ECE2: variants seen among roughly 807,000 people sequenced by gnomAD.
The protein encoded by ECE2 is endothelin-converting enzyme 2.
ECE2 carries 81 observed loss-of-function variants against 100.6 expected under a neutral mutation model. That is an observed-to-expected ratio of 0.81 (90% CI 0.67 to 0.97). The LOEUF is 0.97. ECE2 is among the 50% of genes least tolerant of loss of function. ECE2 has a pLI of 0.00. For missense variants in ECE2, 911 were observed against 988.1 expected (o/e 0.92, Z 1.05); for synonymous variants, 391 against 391.5 (o/e 1.00, Z 0.02).
At position 184,289,480 on chromosome 3, in the gene ECE2, C is replaced by G. The variant is rs1560187680; in HGVS notation, c.1418C>G (p.Ala473Gly). 6.2e-7 allele frequency: 1 copy of G among 1,611,854 alleles called. No homozygotes were observed. The highest frequency in any genetic ancestry group is 8.5e-7 in the Non-Finnish European group (1 of 1,179,226). ...GAAATCCGGACCGCATTTGAGGAGG[C>G]CCTGGGACAGCTGGTTTGGATGGAT... ...ISEIRTAFEE[A>G]LGQLVWMDEK... Residue 473 changes from alanine to glycine, a missense_variant, in exon 12 of 19, where the codon GCC (alanine) becomes GGC (glycine). Transcript: ENST00000404464. The surrounding 1 kb of genome is among the most constrained non-coding windows in gnomAD (Gnocchi z 4.1).
At chr3:184,280,894 G>A (rs538032392) in intron 7 of ECE2, among the ~76,000 whole-genome samples, 3 of 151,886 alleles carry the variant, frequency 2.0e-5, no homozygotes, top group South Asian at 4.2e-4. Context: ...CAGGAGAATC[G>A]CTTGAACCTG....
intron 7 of ECE2, among the ~76,000 whole-genome samples, chr3:184,281,068 G>A (rs1333169174): frequency 6.6e-6 from 1 of 152,106 alleles, no homozygotes; most frequent in Non-Finnish European, 1.5e-5. Flanking sequence ...AAGGACAGAA[G>A]GAGATCCTTG....
chr3:184,285,362 C>T (rs1577141635), intron 9 of ECE2, 116 bp from the exon 10 acceptor site: 1 of 933,820 alleles, frequency 1.1e-6, no homozygotes, highest in East Asian at 2.5e-5. Flanking sequence ...AACCCCGGGA[C>T]AGCTTCCACA....
At position 184,284,542 on chromosome 3, in the gene ECE2, CAAA is replaced by C. The variant is rs35701535; in HGVS notation, c.1006-403_1006-401del. On this transcript the variant is annotated intron_variant, in intron 8 of 18. Coordinates refer to ENST00000404464, the MANE Select transcript of ECE2 (RefSeq NM_001100121.2). ...GGGTGACAAGAGCGAAACTCCATCT[CAAA>C]AAAAAAAAAAAAAAAAATAGAAGTG... Among the ~76,000 whole-genome samples the C allele has an allele frequency of 2.1e-4, 14 of 66,402 alleles. No individual in the cohort carries two copies. The East Asian group carries it at 3.1e-3, about 15-fold the overall frequency. The allele number at this position is 66,402 out of a possible 152,430, so 43.6% of individuals were successfully genotyped here.
At chr3:184,278,652 G>A in intron 7 of ECE2, 95 bp downstream of exon 7, 1 of 1,367,810 alleles carries the variant, frequency 7.3e-7, no homozygotes, top group Non-Finnish European at 1.0e-6. Flanking sequence ...GAGCAGGGAA[G>A]GTGAGCCTAT....
chr3:184,291,807 C>CAGG lies in ECE2; in HGVS notation c.2122-253_2122-251dup, dbSNP rs899224433. On this transcript the variant is annotated intron_variant, in intron 18 of 18. Coordinates refer to ENST00000404464, the MANE Select transcript of ECE2 (RefSeq NM_001100121.2). The surrounding 1 kb of genome is among the most constrained non-coding windows in gnomAD (Gnocchi z 4.1). Reference sequence around the variant, plus strand: ...GCAGAGTGGCCTGTCCAGGGCTGCCCAGGAATAGAGTAAGTGGCAGAGCAA... The same window carrying CAGG: ...GCAGAGTGGCCTGTCCAGGGCTGCCCAGGAGGAATAGAGTAAGTGGCAGAGCAA... 3.6e-6 allele frequency: 2 copies of CAGG among 550,852 alleles called. No homozygotes were observed. Among genetic ancestry groups the CAGG allele is most frequent in the African/African-American group, 1.9e-5 (1 of 53,264 alleles). The allele number at this position is 550,852 out of a possible 1,614,324, so 34.1% of individuals were successfully genotyped here.
rs768847215 is a variant in ECE2 at position 184,289,716 on chromosome 3, G to A, written c.1549G>A (p.Gly517Arg). Residue 517 changes from glycine to arginine, a missense_variant and splice_region_variant, in exon 13 of 19, where the codon GGG becomes AGG. By Grantham distance (125) the Gly-to-Arg change is moderately radical. Coordinates refer to ENST00000404464, the MANE Select transcript of ECE2 (RefSeq NM_001100121.2). This position sits in a 1 kb window ranked among gnomAD's most constrained non-coding sequence, Gnocchi z 4.1. ...EPKELDDVYD[G>R]YEISEDSFFQ... ...CAAAGAGCTGGATGATGTTTATGAC[G>A]GGGTGAGTACCTACGCTCATCAGTA... 16 of 1,611,418 alleles carry A rather than the reference G, an allele frequency of 9.9e-6. No homozygotes were observed. The highest frequency in any genetic ancestry group is 4.5e-5 in the East Asian group (2 of 44,874).
chr3:184,280,943 C>T (rs1361537621), intron 7 of ECE2, among the ~76,000 whole-genome samples: 1 of 150,160 alleles, frequency 6.7e-6, no homozygotes, highest in African/African-American at 2.5e-5. Flanking sequence ...GGCACCACTG[C>T]ACTCCAGCCT....
At chr3:184,277,508 C>T (rs1177621043) in intron 4 of ECE2, 42 bp downstream of exon 4, 1 of 1,602,828 alleles carries the variant, frequency 6.2e-7, no homozygotes, top group South Asian at 1.1e-5. Context: ...ACCTATGTGC[C>T]TTGTGCCCAG....
At position 184,292,171 on chromosome 3, in the gene ECE2, T is replaced by C. The variant is rs978229669; in HGVS notation, c.2231T>C (p.Phe744Ser). The C allele has an allele frequency of 1.9e-6, 3 of 1,614,110 alleles. No homozygotes were observed. The highest frequency in any genetic ancestry group is 2.5e-6 in the Non-Finnish European group (3 of 1,180,024). The change falls in exon 19 of 19, where the codon TTC (phenylalanine) becomes TCC (serine). Residue 744 changes from phenylalanine (F) to serine (S), a missense_variant. By Grantham distance (155) the Phe-to-Ser change is radical. Coordinates refer to ENST00000404464, the MANE Select transcript of ECE2 (RefSeq NM_001100121.2). ...VLGTLSNSRD[F>S]LRHFGCPVGS... ...GGCACTCTCTCCAACTCCCGTGACTTCCTGCGGCACTTCGGCTGCCCTGTC... is the reference window on the plus strand; with the variant it reads ...GGCACTCTCTCCAACTCCCGTGACTCCCTGCGGCACTTCGGCTGCCCTGTC...
In ECE2 at chr3:184,276,926, G is replaced by A; in HGVS notation, c.161G>A (p.Gly54Asp). Residue 54 changes from glycine to aspartate, a missense_variant, in exon 3 of 19, where the codon GGC (glycine) becomes GAC (aspartate). Coordinates refer to ENST00000404464, the MANE Select transcript of ECE2 (RefSeq NM_001100121.2). ...CAGAAGGGGACAAGACAGCTGTTAG[G>A]CTCACGCACGCAGCTGGAGCTGGTC... ...GFQKGTRQLL[G>D]SRTQLELVLA... 2 of 1,614,132 alleles carry A rather than the reference G, an allele frequency of 1.2e-6. No homozygotes were observed. Among genetic ancestry groups the A allele is most frequent in the South Asian group, 2.2e-5 (2 of 91,080 alleles).
intron 8 of ECE2, among the ~76,000 whole-genome samples, chr3:184,284,542 CA>C (rs35701535): frequency 0.19 from 12,306 of 66,386 alleles, 442 homozygotes; most frequent in East Asian, 0.28. Flanking sequence ...AACTCCATCT[CA>C]AAAAAAAAAA....
At chr3:184,290,889 GC>G in intron 16 of ECE2, 29 bp downstream of exon 16, 1 of 1,614,038 alleles carries the variant, frequency 6.2e-7, no homozygotes, top group Non-Finnish European at 8.5e-7. Flanking sequence ...GTCCCCTCTA[GC>G]CTAGAATTCC....
At chr3:184,284,668 G>A (rs568756787) in intron 8 of ECE2, among the ~76,000 whole-genome samples, 1 of 152,286 alleles carries the variant, frequency 6.6e-6, no homozygotes, top group African/African-American at 2.4e-5. Context: ...TGGAGGAGAA[G>A]CCAGTACGTG....
chr3:184,282,672 C>T (rs944528441), intron 7 of ECE2, among the ~76,000 whole-genome samples: 9 of 152,148 alleles, frequency 5.9e-5, no homozygotes, highest in Non-Finnish European at 1.0e-4. Flanking sequence ...GGGCCAGGGC[C>T]GCCATGGCCC....
chr3:184,277,136 C>G (rs749521673), intron 3 of ECE2, 109 bp downstream of exon 3: 1 of 1,596,446 alleles, frequency 6.3e-7, no homozygotes, highest in Non-Finnish European at 8.6e-7. Context: ...CAGAAAAGCC[C>G]CCGGCTTTGC....
Position 184,291,512 on chromosome 3 carries a change from T to C in ECE2, c.2121+73T>C, listed in dbSNP as rs1390402192. 7.4e-7 allele frequency: 1 copy of C among 1,356,218 alleles called. No homozygotes were observed. Among genetic ancestry groups the C allele is most frequent in the African/African-American group, 1.5e-5 (1 of 67,638 alleles). The allele number at this position is 1,356,218 out of a possible 1,614,324, so 84.0% of individuals were successfully genotyped here. ...CTCCTGAGTATGTCATTAGGAGAACTCTGGGGCACGTGTCAAACGGGCTGG... is the reference window on the plus strand; with the variant it reads ...CTCCTGAGTATGTCATTAGGAGAACCCTGGGGCACGTGTCAAACGGGCTGG... On this transcript the variant is annotated intron_variant, in intron 18 of 18. Transcript: ENST00000404464. This position sits in a 1 kb window ranked among gnomAD's most constrained non-coding sequence, Gnocchi z 4.1.
chr3:184,289,502 GGAT>G lies in ECE2; in HGVS notation c.1443_1445del (p.Asp481del). The G allele has an allele frequency of 1.9e-6, 3 of 1,612,706 alleles. No homozygotes were observed. Among genetic ancestry groups the G allele is most frequent in the Non-Finnish European group, 2.5e-6 (3 of 1,179,468 alleles). ...AGGCCCTGGGACAGCTGGTTTGGAT[GGAT>G]GAGAAGACCCGCCAGGCAGCCAAGG... is the stretch of plus-strand genomic sequence containing the variant. On this transcript the variant is annotated inframe_deletion, in exon 12 of 19. Coordinates refer to ENST00000404464, the MANE Select transcript of ECE2 (RefSeq NM_001100121.2). This position sits in a 1 kb window ranked among gnomAD's most constrained non-coding sequence, Gnocchi z 4.1.
Position 184,283,730 on chromosome 3 carries a change from T to C in ECE2, c.817-55T>C, listed in dbSNP as rs1720905103. ...GCAGAGGTGGTGGTAAGAACAGATC[T>C]CAGCCTTGGGCAGGACTTGTTGCTG... On this transcript the variant is annotated intron_variant, in intron 7 of 18. Transcript: ENST00000404464. 5.7e-6 allele frequency: 9 copies of C among 1,576,280 alleles called. No individual in the cohort carries two copies. In the South Asian group the frequency reaches 1.0e-4, roughly 18 times the overall value.
Sources: gnomAD v4.1 joint callset for allele counts (sites outside exome capture counted in the v4.1 genomes callset) on GRCh38, gnomAD v4.1.1 for gene constraint, Gnocchi (gnomAD v3.1) non-coding constraint, MANE v1.5 for transcripts, NCBI Gene and HGNC (gene_info 2026-07-23, HGNC 2026-07-21) for gene names.